CFAP61: variants seen among roughly 807,000 people sequenced by gnomAD.
The protein encoded by CFAP61 is cilia and flagella associated protein 61, also known as cilia- and flagella-associated protein 61.
Under a neutral mutation model 135.6 loss-of-function variants are expected in CFAP61, and 107 were observed. That is an observed-to-expected ratio of 0.79 (90% CI 0.67 to 0.93). The LOEUF (loss-of-function observed/expected upper bound fraction) is 0.93. Among genes scored for constraint, CFAP61 ranks in the 40% least tolerant of loss-of-function variants. CFAP61 has a pLI of 0.00. For missense variants in CFAP61, 1,507 were observed against 1,556.2 expected, an observed-to-expected ratio of 0.97 and a Z score of 0.53; for synonymous variants, 575 against 578.5, an observed-to-expected ratio of 0.99 and a Z score of 0.09.
chr20:20,347,797 G>T lies in CFAP61; in HGVS notation c.3513+5876G>T, dbSNP rs543928127. 4.6e-5 allele frequency among the ~76,000 whole-genome samples: 7 copies of T among 152,076 alleles called. No homozygotes were observed. In the East Asian group the frequency reaches 5.8e-4, roughly 13 times the overall value. On this transcript the variant is annotated intron_variant, in intron 26 of 26. Coordinates refer to ENST00000245957, the MANE Select transcript of CFAP61 (RefSeq NM_015585.4). ...AAAATACAAAAATTAGCCCGTCATG[G>T]TGGCACATATCTGTAATCCCAGCTA... is the stretch of plus-strand genomic sequence containing the variant.
intron 9 of CFAP61, among the ~76,000 whole-genome samples, chr20:20,155,846 T>G (rs1338533571): frequency 1.3e-5 from 2 of 152,126 alleles, no homozygotes; most frequent in Admixed American, 1.3e-4. Flanking sequence ...ACAAGCACTA[T>G]CGAAAACAGC....
chr20:20,312,409 G>C (rs1268001303), intron 25 of CFAP61, among the ~76,000 whole-genome samples: 9 of 152,152 alleles, frequency 5.9e-5, no homozygotes, highest in African/African-American at 1.9e-4. Flanking sequence ...ATTAGACCTC[G>C]CTGGGAAAAG....
chr20:20,323,499 G>A (rs759825157), intron 25 of CFAP61: 43 of 178,576 alleles, frequency 2.4e-4, no homozygotes, highest in Middle Eastern at 3.0e-3. Flanking sequence ...GAAAGTCTCA[G>A]TTCAGCAGAT....
chr20:20,322,900 C>G, intron 25 of CFAP61: 1 of 985,414 alleles, frequency 1.0e-6, no homozygotes, highest in Non-Finnish European at 1.2e-6. Context: ...TTCCTTGTGA[C>G]TTTCTATACT....
chr20:20,325,386 G>A (rs887762626), intron 25 of CFAP61, among the ~76,000 whole-genome samples: 2 of 152,102 alleles, frequency 1.3e-5, no homozygotes, highest in East Asian at 1.9e-4. Context: ...GTGCCTACTC[G>A]TGCCTTCCTC....
At chr20:20,229,963 A>G (rs1189834728) in intron 18 of CFAP61, among the ~76,000 whole-genome samples, 2 of 152,230 alleles carry the variant, frequency 1.3e-5, no homozygotes, top group Non-Finnish European at 2.9e-5. Context: ...TTTGAACAGC[A>G]AGTTTTATGC....
In CFAP61 at chr20:20,071,595, A is replaced by C. The variant is rs992751816; in HGVS notation, c.294+591A>C. ...CAGAGCCAGGCCAGAGACAGGCCCCAGTTTTTGTGGAGTGCCAGAGGCTAC... is the reference window on the plus strand; with the variant it reads ...CAGAGCCAGGCCAGAGACAGGCCCCCGTTTTTGTGGAGTGCCAGAGGCTAC... On this transcript the variant is annotated intron_variant, in intron 3 of 26. Coordinates refer to ENST00000245957, the MANE Select transcript of CFAP61 (RefSeq NM_015585.4). Among the ~76,000 whole-genome samples the C allele has an allele frequency of 4.6e-5, 7 of 152,084 alleles. 1 individual carries two copies. Among genetic ancestry groups the C allele is most frequent in the South Asian group, 4.1e-4 (2 of 4,826 alleles).
At chr20:20,242,842 A>T (rs1306800276) in intron 18 of CFAP61, among the ~76,000 whole-genome samples, 1 of 152,214 alleles carries the variant, frequency 6.6e-6, no homozygotes, top group East Asian at 1.9e-4. Context: ...TAATAAAGCT[A>T]ATGTCAGCCA....
intron 14 of CFAP61, among the ~76,000 whole-genome samples, chr20:20,189,486 T>C (rs1460069842): frequency 7.1e-6 from 1 of 140,920 alleles, no homozygotes; most frequent in African/African-American, 2.7e-5. Flanking sequence ...GTACTTATGA[T>C]CTGTACTTAT....
intron 25 of CFAP61, among the ~76,000 whole-genome samples, chr20:20,309,856 G>A (rs950605973): frequency 2.6e-5 from 4 of 152,082 alleles, no homozygotes; most frequent in African/African-American, 7.2e-5. Flanking sequence ...CAGAAATCAT[G>A]TTTTATTAGT....
intron 26 of CFAP61, among the ~76,000 whole-genome samples, chr20:20,353,248 A>C (rs1267526726): frequency 6.6e-6 from 1 of 152,204 alleles, no homozygotes; most frequent in Non-Finnish European, 1.5e-5. Context: ...TGGAGTTCAA[A>C]GATCAGAAAA....
chr20:20,252,388 T>C (rs1018690423), intron 20 of CFAP61, among the ~76,000 whole-genome samples: 3 of 152,198 alleles, frequency 2.0e-5, no homozygotes, highest in Admixed American at 2.0e-4. Flanking sequence ...TTCATGTAGT[T>C]TACAGCAGTA....
chr20:20,319,181 C>G (rs2057304480), intron 25 of CFAP61, among the ~76,000 whole-genome samples: 1 of 152,224 alleles, frequency 6.6e-6, no homozygotes, highest in Non-Finnish European at 1.5e-5. Context: ...CATTGCTCCC[C>G]ATCTTCCAGG....
intron 3 of CFAP61, among the ~76,000 whole-genome samples, chr20:20,071,299 T>C (rs1301712868): frequency 6.6e-6 from 1 of 152,136 alleles, no homozygotes; most frequent in African/African-American, 2.4e-5. Context: ...GGTCTCACGT[T>C]GTTCTCCAGG....
At chr20:20,227,761 G>T (rs188134462) in intron 17 of CFAP61, among the ~76,000 whole-genome samples, 1 of 152,172 alleles carries the variant, frequency 6.6e-6, no homozygotes, top group East Asian at 1.9e-4. Context: ...ACAAGACACC[G>T]CGTTAAGTAA....
chr20:20,358,051 AGT>A (rs2059321586), intron 26 of CFAP61, among the ~76,000 whole-genome samples: 1 of 146,990 alleles, frequency 6.8e-6, no homozygotes, highest in African/African-American at 2.6e-5. Context: ...AGGTGGTCAT[AGT>A]GTGAGGGGAG....
At chr20:20,139,301 C>T (rs1335145398) in intron 8 of CFAP61, among the ~76,000 whole-genome samples, 5 of 152,136 alleles carry the variant, frequency 3.3e-5, no homozygotes, top group Non-Finnish European at 7.4e-5. Context: ...TGTGCCTTGG[C>T]GGAGCCTGTG....
rs776260921 is a variant in CFAP61, at chr20:20,074,389, A to T, written c.371+11A>T. 1 of 1,610,614 alleles carries T rather than the reference A, an allele frequency of 6.2e-7. No individual in the cohort carries two copies. Among genetic ancestry groups the T allele is most frequent in the East Asian group, 2.2e-5 (1 of 44,866 alleles). ...CAAAGAGATTCTTCGGTGAGTGGAT[A>T]TGGCCGTGCAGTGGTGAACATGAAA... On this transcript the variant is annotated intron_variant, in intron 4 of 26. Transcript: ENST00000245957.
At chr20:20,156,717 GCAATGAA>G (rs1019229334) in intron 9 of CFAP61, among the ~76,000 whole-genome samples, 1 of 151,930 alleles carries the variant, frequency 6.6e-6, no homozygotes, top group Admixed American at 6.6e-5. Context: ...CTGTATAATA[GCAATGAA>G]CAATCAGATT....
Sources: gnomAD v4.1 joint callset for allele counts (sites outside exome capture counted in the v4.1 genomes callset) on GRCh38, gnomAD v4.1.1 for gene constraint, MANE v1.5 for transcripts, NCBI Gene and HGNC (gene_info 2026-07-23, HGNC 2026-07-21) for gene names.